Variants in CROCC observed in about 807,000 individuals in gnomAD.
CROCC encodes the protein ciliary rootlet coiled-coil, rootletin.
Under a neutral mutation model 245.2 loss-of-function variants are expected in CROCC, and 180 were observed. The ratio of observed to expected loss-of-function variants is 0.73; its 90% CI spans 0.65 to 0.83. CROCC has a LOEUF of 0.83. CROCC is among the 40% of genes least tolerant of loss of function. The pLI is 0.00. For synonymous variants in CROCC, 1,205 were observed against 1,241.6 expected (o/e 0.97, Z 0.62); for missense variants, 2,688 against 2,779.4 (o/e 0.97, Z 0.74).
intron 8 of CROCC, among the ~76,000 whole-genome samples, chr1:16,936,061 C>CT (rs1169420162): frequency 3.3e-5 from 5 of 152,010 alleles, no homozygotes; most frequent in East Asian, 1.9e-4. Context: ...TTATGTATCC[C>CT]TTTTTTTTTC....
rs1350711148 is a variant in CROCC, at chr1:16,936,637, G to A, written c.957G>A (p.Arg319=). The A allele has an allele frequency of 2.5e-6, 4 of 1,586,848 alleles. No individual in the cohort carries two copies. In the South Asian group the frequency reaches 4.6e-5, roughly 18 times the overall value. The change falls in exon 9 of 37, where the codon AGG becomes AGA. Residue 319 remains arginine, a splice_region_variant and synonymous_variant. Transcript: ENST00000375541. ...CCCCAGCCTGTGCTCTCTCCCGAAG[G>A]GACCTGCTGCAGCTGGGAGGGGAGC... The part of the protein sequence containing the change: ...LVSEVKMFTE[R]DLLQLGGELA...
intron 36 of CROCC, 65 bp downstream of exon 36, chr1:16,971,712 C>T: frequency 3.6e-6 from 5 of 1,393,418 alleles, no homozygotes; most frequent in Non-Finnish European, 4.7e-6. Context: ...AGAGGAGAGA[C>T]CCAATCAAGA....
chr1:16,930,062 C>T lies in CROCC; in HGVS notation c.537+31C>T, dbSNP rs1375224104. 18 of 1,567,380 alleles carry T rather than the reference C, an allele frequency of 1.1e-5. No homozygotes were observed. The South Asian group carries it at 1.9e-4, about 16-fold the overall frequency. ...GACCACCCACTCCTGCTCCTGTCCT[C>T]CCACCTGTTCACTTTGCCCCGCCCC... On this transcript the variant is annotated intron_variant, in intron 4 of 36. Coordinates refer to ENST00000375541, the MANE Select transcript of CROCC (RefSeq NM_014675.5).
At chr1:16,934,892 C>CTTTTT (rs556637657) in intron 8 of CROCC, among the ~76,000 whole-genome samples, 53 of 128,488 alleles carry the variant, frequency 4.1e-4, no homozygotes, top group Non-Finnish European at 5.6e-4. Context: ...TCAGCAGTTT[C>CTTTTT]TTTTTTTTTT....
intron 14 of CROCC, among the ~76,000 whole-genome samples, chr1:16,944,669 T>C (rs962546665): frequency 6.6e-6 from 1 of 152,258 alleles, no homozygotes; most frequent in African/African-American, 2.4e-5. Context: ...CTCTGTGACA[T>C]AGAAGCGGTT....
chr1:16,941,737 A>AC (rs1349257953), intron 13 of CROCC, among the ~76,000 whole-genome samples: 1 of 152,214 alleles, frequency 6.6e-6, no homozygotes, highest in Non-Finnish European at 1.5e-5. Flanking sequence ...GTCTCAAAAA[A>AC]AAAAAAAAAA....
chr1:16,934,001 G>A (rs1179126056), intron 8 of CROCC, among the ~76,000 whole-genome samples: 2 of 152,250 alleles, frequency 1.3e-5, no homozygotes, highest in African/African-American at 4.8e-5. Flanking sequence ...TGTATTTCCT[G>A]TAAATTGGAT....
chr1:16,958,715 A>G lies in CROCC; in HGVS notation c.3997A>G (p.Lys1333Glu), dbSNP rs1570693702. ...CCTGGGCCTCCGGCAGAGGCTGCTG[A>G]AGGGCGAGGCCAGCCTGGAGGTGAT... Reference protein sequence around the residue: ...ETLGLRQRLLKGEASLEVMRQ... With the variant: ...ETLGLRQRLLEGEASLEVMRQ... The change falls in exon 26 of 37, where the codon AAG becomes GAG. Residue 1333 changes from lysine to glutamate, a missense_variant. This residue lies in a region of CROCC where 1,218 missense variants were observed against 1,286.3 expected (regional missense o/e 0.95). Coordinates refer to ENST00000375541, the MANE Select transcript of CROCC (RefSeq NM_014675.5). 6.4e-7 allele frequency: 1 copy of G among 1,562,272 alleles called. No homozygotes were observed. The highest frequency in any genetic ancestry group is 8.7e-7 in the Non-Finnish European group (1 of 1,154,124).
chr1:16,946,957 ATGAGCGCAGCCAGC>A lies in CROCC; in HGVS notation c.2483_2496del (p.Glu828AlafsTer38). 6.4e-7 allele frequency: 1 copy of A among 1,556,614 alleles called. No individual in the cohort carries two copies. Among genetic ancestry groups the A allele is most frequent in the East Asian group, 2.4e-5 (1 of 41,630 alleles). ...GAGCAGCAGCTCCCCACGCTGCGCC[ATGAGCGCAGCCAGC>A]TGCAGGAGCAGCTAGCGCAGGTGGG... is the stretch of plus-strand genomic sequence containing the variant. On this transcript the variant is annotated frameshift_variant, in exon 17 of 37. Coordinates refer to ENST00000375541, the MANE Select transcript of CROCC (RefSeq NM_014675.5). LOFTEE classifies it high-confidence loss of function.
chr1:16,937,587 A>T (rs2075819362), intron 9 of CROCC, 54 bp from the exon 10 acceptor site: 2 of 1,448,906 alleles, frequency 1.4e-6, no homozygotes, highest in Non-Finnish European at 1.9e-6. Context: ...GAGCTAGTGG[A>T]TTTGAGAAGC....
intron 13 of CROCC, among the ~76,000 whole-genome samples, chr1:16,940,508 T>C (rs865893659): frequency 6.6e-5 from 10 of 152,140 alleles, no homozygotes; most frequent in African/African-American, 2.4e-4. Context: ...CACCTCAGCC[T>C]CTGAAGTAGC....
At chr1:16,938,543 C>T in intron 11 of CROCC, 60 bp downstream of exon 11, 1 of 1,466,436 alleles carries the variant, frequency 6.8e-7, no homozygotes, top group Non-Finnish European at 9.3e-7. Context: ...GCTCCCCCGC[C>T]ACGTCTTTCG....
chr1:16,948,275 C>T (rs1434160081), intron 17 of CROCC, 56 bp from the exon 18 acceptor site: 12 of 1,484,372 alleles, frequency 8.1e-6, no homozygotes, highest in South Asian at 4.1e-5. Context: ...GGGTGCTGCA[C>T]GATGAACAAG....
chr1:16,916,828 A>C (rs1463113840), intron 1 of CROCC, among the ~76,000 whole-genome samples: 1 of 152,274 alleles, frequency 6.6e-6, no homozygotes, highest in African/African-American at 2.4e-5. Context: ...TTATTATTTA[A>C]AACTCTGGGC....
upstream of CROCC, among the ~76,000 whole-genome samples, chr1:16,921,768 C>T (rs1365203678): frequency 5.9e-5 from 9 of 152,214 alleles, no homozygotes; most frequent in African/African-American, 1.9e-4. Flanking sequence ...CCCTTCTCCT[C>T]CCCTCTCTTC....
chr1:16,936,079 T>G (rs1375838415), intron 8 of CROCC, among the ~76,000 whole-genome samples: 2 of 152,080 alleles, frequency 1.3e-5, no homozygotes, highest in African/African-American at 4.8e-5. Flanking sequence ...TTCCCCAATC[T>G]GAGAGTGGAC....
chr1:16,963,396 A>C (rs2076365234), intron 27 of CROCC, among the ~76,000 whole-genome samples: 1 of 151,778 alleles, frequency 6.6e-6, no homozygotes, highest in South Asian at 2.1e-4. Context: ...AGCATCAAGC[A>C]GGGGGGTGAG....
intron 2 of CROCC, among the ~76,000 whole-genome samples, chr1:16,923,674 CTTTTTTTT>C (rs61063425): frequency 2.9e-5 from 3 of 103,498 alleles, no homozygotes; most frequent in Non-Finnish European, 3.8e-5. Context: ...ACTATTCTAC[CTTTTTTTT>C]TTTTTTTTTT....
intron 1 of CROCC, among the ~76,000 whole-genome samples, chr1:16,914,300 C>G (rs2075281525): frequency 6.6e-6 from 1 of 152,178 alleles, no homozygotes; most frequent in Non-Finnish European, 1.5e-5. Context: ...AGAGCGTTCC[C>G]AACAGGCTCC....
Sources: gnomAD v4.1 joint callset for allele counts (sites outside exome capture counted in the v4.1 genomes callset) on GRCh38, gnomAD v4.1.1 for gene constraint, gnomAD v4.1.1 regional missense constraint, MANE v1.5 for transcripts, NCBI Gene and HGNC (gene_info 2026-07-23, HGNC 2026-07-21) for gene names.